MDGA2: variants seen among roughly 807,000 people sequenced by gnomAD.
MDGA2 encodes MAM domain-containing glycosylphosphatidylinositol anchor protein 2.
In MDGA2, 40 loss-of-function variants were observed where a neutral mutation model predicts 117.8. The observed-to-expected ratio is 0.34, with a 90% CI of 0.26 to 0.44. The LOEUF (loss-of-function observed/expected upper bound fraction) is 0.44, where lower values mean the gene tolerates loss of function less well. Among genes scored for constraint, MDGA2 ranks in the 20% least tolerant of loss-of-function variants. The probability of loss-of-function intolerance (pLI) is 1.00; values close to 1 mark genes in which losing one functional copy is unlikely to be tolerated. For synonymous variants in MDGA2, 452 were observed against 439.0 expected (o/e 1.03, Z -0.37); for missense variants, 1,123 against 1,250.6 (o/e 0.90, Z 1.54).
At chr14:47,098,278 A>G (rs1169818750) in intron 5 of MDGA2, among the ~76,000 whole-genome samples, 13 of 151,184 alleles carry the variant, frequency 8.6e-5, no homozygotes. Flanking sequence ...AAAAAAAAAA[A>G]AGCCAGAAAA....
chr14:47,139,906 A>G (rs909912889), intron 4 of MDGA2, among the ~76,000 whole-genome samples: 2 of 149,412 alleles, frequency 1.3e-5, no homozygotes, highest in Non-Finnish European at 3.0e-5. Context: ...ATATATACAC[A>G]TATGGAGAGA....
At chr14:47,101,842 T>C (rs558958640) in intron 5 of MDGA2, among the ~76,000 whole-genome samples, 1 of 152,260 alleles carries the variant, frequency 6.6e-6, no homozygotes, top group African/African-American at 2.4e-5. Flanking sequence ...AATTATGACA[T>C]AGTAGAGACA....
intron 1 of MDGA2, among the ~76,000 whole-genome samples, chr14:47,567,353 G>A (rs544329542): frequency 6.6e-6 from 1 of 152,272 alleles, no homozygotes; most frequent in East Asian, 1.9e-4. Flanking sequence ...AAGCTAAAAT[G>A]AGGAACATAA....
At chr14:46,940,249 A>T (rs1021818035) in intron 9 of MDGA2, among the ~76,000 whole-genome samples, 4 of 152,214 alleles carry the variant, frequency 2.6e-5, no homozygotes, top group African/African-American at 9.6e-5. Flanking sequence ...GTACTTTGTT[A>T]AATATTTAAC....
At chr14:47,516,981 A>T (rs1379076199) in intron 1 of MDGA2, among the ~76,000 whole-genome samples, 1 of 152,184 alleles carries the variant, frequency 6.6e-6, no homozygotes. Context: ...TGCCCCATGC[A>T]CTATAGATAC....
intron 2 of MDGA2, among the ~76,000 whole-genome samples, chr14:47,231,270 T>C (rs1292730002): frequency 1.3e-5 from 2 of 152,178 alleles, no homozygotes; most frequent in East Asian, 3.9e-4. Context: ...ATGCATCTCA[T>C]TTAACCCTCC....
chr14:46,998,570 A>T (rs1333067732), intron 8 of MDGA2, among the ~76,000 whole-genome samples: 2 of 152,132 alleles, frequency 1.3e-5, no homozygotes, highest in African/African-American at 4.8e-5. Flanking sequence ...AGCCAATAAG[A>T]CTGAGTAACA....
intron 6 of MDGA2, among the ~76,000 whole-genome samples, chr14:47,080,394 A>G (rs1367626846): frequency 6.6e-6 from 1 of 152,210 alleles, no homozygotes; most frequent in East Asian, 1.9e-4. Flanking sequence ...AATTTTGTCA[A>G]TTAAAAATAT....
intron 1 of MDGA2, among the ~76,000 whole-genome samples, chr14:47,583,040 G>A (rs1896257781): frequency 6.6e-6 from 1 of 151,804 alleles, no homozygotes; most frequent in South Asian, 2.1e-4. Flanking sequence ...TCCAAATTAT[G>A]ATTTTGATTC....
intron 1 of MDGA2, among the ~76,000 whole-genome samples, chr14:47,332,429 A>G (rs1171805715): frequency 6.6e-6 from 1 of 152,018 alleles, no homozygotes; most frequent in Non-Finnish European, 1.5e-5. Flanking sequence ...TAAACAGCCA[A>G]TTTGAGTTAA....
At chr14:47,613,335 G>A (rs976459576) in intron 1 of MDGA2, among the ~76,000 whole-genome samples, 9 of 152,050 alleles carry the variant, frequency 5.9e-5, no homozygotes, top group African/African-American at 1.7e-4. Context: ...CATTAGCAAA[G>A]TTTTAAACAA....
chr14:46,969,662 A>G (rs1256603169), intron 8 of MDGA2, among the ~76,000 whole-genome samples: 1 of 151,806 alleles, frequency 6.6e-6, no homozygotes, highest in African/African-American at 2.4e-5. Flanking sequence ...CCTTTGTCAG[A>G]TAAGTAGATC....
intron 1 of MDGA2, among the ~76,000 whole-genome samples, chr14:47,510,745 T>G (rs1894622271): frequency 6.6e-6 from 1 of 152,236 alleles, no homozygotes; most frequent in South Asian, 2.1e-4. Flanking sequence ...CAATAAATCC[T>G]TACAGGAGCT....
At position 47,545,829 on chromosome 14, in the gene MDGA2, T is replaced by C. The variant is rs1039154996; in HGVS notation, c.280+128688A>G. 9.9e-5 allele frequency among the ~76,000 whole-genome samples: 15 copies of C among 152,144 alleles called. 1 individual carries two copies. The highest frequency in any genetic ancestry group is 9.8e-4 in the Admixed American group (15 of 15,258). On this transcript the variant is annotated intron_variant, in intron 1 of 16. Coordinates refer to ENST00000399232, the MANE Select transcript of MDGA2 (RefSeq NM_001113498.3). ...AGATAGTGTGGGGGCGTGAAAGCAA[T>C]GCCCTTCAAGTGCATCTGATCAATT... is the stretch of plus-strand genomic sequence containing the variant.
intron 1 of MDGA2, among the ~76,000 whole-genome samples, chr14:47,566,788 C>T (rs1352267737): frequency 1.3e-5 from 2 of 152,022 alleles, no homozygotes; most frequent in Admixed American, 1.3e-4. Flanking sequence ...TGTGTCCTCC[C>T]TCTGTCCACT....
intron 6 of MDGA2, among the ~76,000 whole-genome samples, chr14:47,094,806 T>C (rs1409388472): frequency 1.4e-5 from 2 of 141,000 alleles, no homozygotes; most frequent in Non-Finnish European, 3.1e-5. Context: ...AAACAAAAAA[T>C]AGAAATGAAA....
chr14:47,302,070 T>C (rs1341796377), intron 1 of MDGA2, among the ~76,000 whole-genome samples: 5 of 152,334 alleles, frequency 3.3e-5, no homozygotes, highest in South Asian at 4.1e-4. Context: ...ACCATACTTA[T>C]AGACATCTGT....
chr14:47,492,170 C>T (rs1201773482), intron 1 of MDGA2, among the ~76,000 whole-genome samples: 1 of 152,084 alleles, frequency 6.6e-6, no homozygotes, highest in East Asian at 1.9e-4. Flanking sequence ...TTGCTTACAA[C>T]TTTAATTAAT....
At chr14:47,218,780 G>C (rs1291868957) in intron 2 of MDGA2, among the ~76,000 whole-genome samples, 1 of 151,924 alleles carries the variant, frequency 6.6e-6, no homozygotes, top group Non-Finnish European at 1.5e-5. Context: ...TGTCTATTTT[G>C]ATCATCAGTA....
Sources: gnomAD v4.1 joint callset for allele counts (sites outside exome capture counted in the v4.1 genomes callset) on GRCh38, gnomAD v4.1.1 for gene constraint, MANE v1.5 for transcripts, NCBI Gene and HGNC (gene_info 2026-07-23, HGNC 2026-07-21) for gene names.